The following HECW1 variants were observed in gnomAD, a reference collection of about 807,000 sequenced individuals.
HECW1 encodes E3 ubiquitin-protein ligase HECW1.
A neutral mutation model predicts 182.3 loss-of-function variants in HECW1; 61 were observed. The ratio of observed to expected loss-of-function variants is 0.33; its 90% CI spans 0.27 to 0.41. The LOEUF (loss-of-function observed/expected upper bound fraction) is 0.41. Among genes scored for constraint, HECW1 ranks in the 10% least tolerant of loss-of-function variants. HECW1 has a pLI of 1.00. For synonymous variants in HECW1, 859 were observed against 832.6 expected, an observed-to-expected ratio of 1.03 and a Z score of -0.55; for missense variants, 1,739 against 2,108.9, an observed-to-expected ratio of 0.82 and a Z score of 3.44.
chr7:43,260,473 T>C (rs1801056007), intron 3 of HECW1, among the ~76,000 whole-genome samples: 1 of 152,212 alleles, frequency 6.6e-6, no homozygotes, highest in African/African-American at 2.4e-5. Flanking sequence ...GGATTATTGT[T>C]TTCATTCTAA....
At chr7:43,209,210 C>A (rs1795770950) in intron 2 of HECW1, among the ~76,000 whole-genome samples, 1 of 152,042 alleles carries the variant, frequency 6.6e-6, no homozygotes, top group Non-Finnish European at 1.5e-5. Flanking sequence ...TGCCCATGAT[C>A]GCCATCGTGG....
chr7:43,196,895 A>AT (rs1261751364), intron 2 of HECW1, among the ~76,000 whole-genome samples: 3 of 152,052 alleles, frequency 2.0e-5, no homozygotes, highest in African/African-American at 7.2e-5. Flanking sequence ...ATTGAGTTTT[A>AT]TTTTCCCCCT....
chr7:43,505,340 A>T (rs1365976324), intron 21 of HECW1, among the ~76,000 whole-genome samples: 4 of 152,084 alleles, frequency 2.6e-5, no homozygotes, highest in Non-Finnish European at 1.5e-5. Flanking sequence ...TGCCCACTTC[A>T]CTTCATCTCC....
intron 24 of HECW1, chr7:43,509,793 G>A (rs986644982): frequency 1.3e-5 from 2 of 152,232 alleles, no homozygotes; most frequent in Admixed American, 6.5e-5. Flanking sequence ...AATTACCGCT[G>A]TTCTGACTGC....
At chr7:43,321,735 C>G (rs925698869) in intron 5 of HECW1, among the ~76,000 whole-genome samples, 4 of 152,148 alleles carry the variant, frequency 2.6e-5, no homozygotes, top group African/African-American at 9.7e-5. Context: ...GACTTGTGGT[C>G]CAGGAAAAAC....
At chr7:43,466,392 G>A in intron 14 of HECW1, 55 bp from the exon 15 acceptor site, 1 of 1,589,258 alleles carries the variant, frequency 6.3e-7, no homozygotes, top group Non-Finnish European at 8.6e-7. Context: ...GAAGTACAGA[G>A]GTTGAAATGC....
intron 2 of HECW1, among the ~76,000 whole-genome samples, chr7:43,231,393 CT>C (rs1374320130): frequency 1.3e-5 from 2 of 152,322 alleles, no homozygotes; most frequent in South Asian, 2.1e-4. Flanking sequence ...ATGTTATCTG[CT>C]TTGCTCAGTG....
At chr7:43,468,104 A>G (rs747088495) in intron 15 of HECW1, among the ~76,000 whole-genome samples, 1 of 151,392 alleles carries the variant, frequency 6.6e-6, no homozygotes, top group Non-Finnish European at 1.5e-5. Flanking sequence ...CCCACCACAC[A>G]CACACACACC....
At chr7:43,500,673 T>C in intron 19 of HECW1, 26 bp from the exon 20 acceptor site, 1 of 1,562,230 alleles carries the variant, frequency 6.4e-7, no homozygotes, top group Non-Finnish European at 8.8e-7. Flanking sequence ...GCATCTAATT[T>C]TCCTCTTCTT....
intron 8 of HECW1, among the ~76,000 whole-genome samples, chr7:43,408,368 G>A (rs895400040): frequency 2.0e-5 from 3 of 152,008 alleles, no homozygotes; most frequent in African/African-American, 7.3e-5. Context: ...GGTTAGGAGG[G>A]TCCTCCAAGT....
At chr7:43,252,912 A>G (rs1800187608) in intron 3 of HECW1, among the ~76,000 whole-genome samples, 1 of 152,246 alleles carries the variant, frequency 6.6e-6, no homozygotes, top group African/African-American at 2.4e-5. Context: ...CAATCGAACA[A>G]GACAAAAGTG....
intron 6 of HECW1, among the ~76,000 whole-genome samples, chr7:43,384,733 G>A (rs1249277457): frequency 6.6e-6 from 1 of 152,056 alleles, no homozygotes; most frequent in African/African-American, 2.4e-5. Flanking sequence ...TTCTTCTTTG[G>A]ATTATCCCTC....
chr7:43,149,615 A>G (rs1403988032), intron 2 of HECW1, among the ~76,000 whole-genome samples: 1 of 152,234 alleles, frequency 6.6e-6, no homozygotes, highest in African/African-American at 2.4e-5. Flanking sequence ...TATCATGATG[A>G]TGTAAGATTA....
intron 8 of HECW1, among the ~76,000 whole-genome samples, chr7:43,418,180 G>A (rs189522087): frequency 2.6e-5 from 4 of 152,200 alleles, no homozygotes; most frequent in South Asian, 2.1e-4. Context: ...TCAGTCATAC[G>A]GGATTAGGGC....
At chr7:43,272,506 G>A (rs1267363560) in intron 3 of HECW1, among the ~76,000 whole-genome samples, 1 of 152,090 alleles carries the variant, frequency 6.6e-6, no homozygotes, top group African/African-American at 2.4e-5. Flanking sequence ...ATTAAAAAAT[G>A]GGCAAAAGAC....
chr7:43,399,470 G>A (rs547373510), intron 7 of HECW1, among the ~76,000 whole-genome samples: 16 of 152,346 alleles, frequency 1.1e-4, no homozygotes, highest in African/African-American at 3.8e-4. Context: ...CAGGAATACT[G>A]CACAACTATG....
At chr7:43,132,421 C>T (rs567292133) in intron 2 of HECW1, among the ~76,000 whole-genome samples, 5 of 152,262 alleles carry the variant, frequency 3.3e-5, no homozygotes, top group African/African-American at 1.2e-4. Context: ...TCGAATGGAT[C>T]GCCCCTAAAT....
At chr7:43,431,036 G>A (rs1002439498) in intron 8 of HECW1, among the ~76,000 whole-genome samples, 22 of 151,824 alleles carry the variant, frequency 1.4e-4, no homozygotes, top group African/African-American at 3.9e-4. Flanking sequence ...TCAGCCTCCC[G>A]AAGTGCTGGG....
At chr7:43,152,847 TC>T (rs1032051814) in intron 2 of HECW1, among the ~76,000 whole-genome samples, 15 of 152,298 alleles carry the variant, frequency 9.8e-5, no homozygotes, top group African/African-American at 3.6e-4. Flanking sequence ...CCAGACTTCT[TC>T]CTGTGGATAT....
Sources: allele counts gnomAD v4.1 joint callset (sites outside exome capture counted in the v4.1 genomes callset), GRCh38; gene constraint gnomAD v4.1.1; transcripts MANE v1.5; gene names NCBI Gene and HGNC (gene_info 2026-07-23, HGNC 2026-07-21).